The following TRIM33 variants were observed in gnomAD, a reference collection of about 807,000 sequenced individuals.
The protein encoded by TRIM33 is E3 ubiquitin-protein ligase TRIM33.
Under a neutral mutation model 125.4 loss-of-function variants are expected in TRIM33, and 20 were observed. The observed-to-expected ratio is 0.16, with a 90% CI of 0.11 to 0.23. TRIM33 has a LOEUF of 0.23. Ranked by LOEUF, TRIM33 falls within the 10% of genes least tolerant of loss-of-function variation. The pLI is 1.00. For synonymous variants in TRIM33, 564 were observed against 513.9 expected (o/e 1.10, Z -1.32); for missense variants, 920 against 1,411.4 (o/e 0.65, Z 5.58).
intron 1 of TRIM33, among the ~76,000 whole-genome samples, chr1:114,470,393 A>C (rs148329192): frequency 9.2e-5 from 14 of 152,220 alleles, no homozygotes; most frequent in Non-Finnish European, 1.6e-4. Context: ...GTGAGTTCTG[A>C]TCTTTCATGT....
Position 114,510,787 on chromosome 1 carries a change from G to A in TRIM33, c.290C>T (p.Pro97Leu). The A allele has an allele frequency of 1.3e-6, 2 of 1,520,258 alleles. No homozygotes were observed. Among genetic ancestry groups the A allele is most frequent in the South Asian group, 1.2e-5 (1 of 82,126 alleles). The allele number at this position is 1,520,258 out of a possible 1,614,324, so 94.2% of individuals were successfully genotyped here. ...GGGAGCCGAGGCTGGAGCTGGAGCC[G>A]GCGTCGATACTGCGCCCCCGGCAAC... ...TGVAGGAVST[P>L]APAPASAPAP... is the part of the protein sequence containing the mutation. The change falls in exon 1 of 20, where the codon CCG becomes CTG. Residue 97 changes from proline to leucine, a missense_variant. Physicochemically the swap from Pro to Leu is moderately conservative, Grantham distance 98. Around this residue, in one of 8 missense-constraint regions of TRIM33, gnomAD observed 233 missense variants for 189.6 expected, o/e 1.23. Transcript: ENST00000358465.
At chr1:114,440,450 C>G (rs1244633836) in intron 4 of TRIM33, among the ~76,000 whole-genome samples, 2 of 151,540 alleles carry the variant, frequency 1.3e-5, no homozygotes, top group African/African-American at 4.8e-5. Flanking sequence ...CAAGAATCAA[C>G]AGAAATAACA....
At chr1:114,507,630 G>C (rs753687892) in intron 1 of TRIM33, among the ~76,000 whole-genome samples, 17 of 152,166 alleles carry the variant, frequency 1.1e-4, no homozygotes, top group Admixed American at 2.6e-4. Context: ...ACGACTATCA[G>C]CTACATTTTA....
intron 13 of TRIM33, 78 bp from the exon 14 acceptor site, chr1:114,407,178 G>T: frequency 8.2e-7 from 1 of 1,225,204 alleles, no homozygotes; most frequent in Non-Finnish European, 1.1e-6. Context: ...GAAAAGTAAT[G>T]TTCACTAAAG....
At chr1:114,414,033 A>G (rs1275247113) in intron 11 of TRIM33, among the ~76,000 whole-genome samples, 2 of 126,918 alleles carry the variant, frequency 1.6e-5, no homozygotes, top group Admixed American at 8.1e-5. Context: ...ACAGGCACAC[A>G]CACACACACA....
intron 1 of TRIM33, among the ~76,000 whole-genome samples, chr1:114,500,560 C>A: frequency 1.4e-5 from 2 of 146,798 alleles, no homozygotes; most frequent in African/African-American, 2.5e-5. Flanking sequence ...TAAGAGTGAG[C>A]AAAAGGTGAA....
rs1464491094 is a variant in TRIM33 at position 114,405,766 on chromosome 1, C to T, written c.2419-7G>A. 4 of 1,588,032 alleles carry T rather than the reference C, an allele frequency of 2.5e-6. No individual in the cohort carries two copies. Among genetic ancestry groups the T allele is most frequent in the East Asian group, 2.2e-5 (1 of 44,696 alleles). ...TACTCTCAGGACTGCTCAACTAAAA[C>T]AAAACGATGACAAATTCTTGAAGAA... On this transcript the variant is annotated splice_polypyrimidine_tract_variant and splice_region_variant and intron_variant, in intron 14 of 19. Coordinates refer to ENST00000358465, the MANE Select transcript of TRIM33 (RefSeq NM_015906.4).
chr1:114,439,649 C>T (rs74331919), intron 4 of TRIM33, among the ~76,000 whole-genome samples: 3,910 of 151,480 alleles, frequency 0.026, 86 homozygotes, highest in Non-Finnish European at 0.034. Context: ...ATAGTAGTTA[C>T]GGATAAAAGT....
chr1:114,462,777 T>C (rs899748108), intron 4 of TRIM33, among the ~76,000 whole-genome samples: 1 of 152,168 alleles, frequency 6.6e-6, no homozygotes. Context: ...CTTTTGTAGA[T>C]TACAGCCAAA....
At chr1:114,481,187 GAA>G (rs1553220335) in intron 1 of TRIM33, among the ~76,000 whole-genome samples, 1 of 150,420 alleles carries the variant, frequency 6.6e-6, no homozygotes, top group Non-Finnish European at 1.5e-5. Context: ...AAAGAAAGAA[GAA>G]AAAAAGATTC....
intron 16 of TRIM33, among the ~76,000 whole-genome samples, chr1:114,402,078 A>C (rs1020324803): frequency 5.9e-5 from 9 of 152,212 alleles, no homozygotes; most frequent in African/African-American, 2.2e-4. Context: ...GAGTAGAGCC[A>C]AACTTAACTC....
At chr1:114,510,225 T>C (rs969387745) in intron 1 of TRIM33, among the ~76,000 whole-genome samples, 2 of 152,020 alleles carry the variant, frequency 1.3e-5, no homozygotes, top group African/African-American at 4.8e-5. Context: ...TCACAACGTG[T>C]TTCCCAAATC....
At chr1:114,490,158 G>A (rs957347731) in intron 1 of TRIM33, among the ~76,000 whole-genome samples, 1 of 150,376 alleles carries the variant, frequency 6.6e-6, no homozygotes, top group African/African-American at 2.4e-5. Flanking sequence ...TAAGAAAAAG[G>A]GTAGAACATC....
chr1:114,462,644 C>T (rs1650066639), intron 4 of TRIM33, among the ~76,000 whole-genome samples: 1 of 152,086 alleles, frequency 6.6e-6, no homozygotes, highest in Admixed American at 6.6e-5. Context: ...GGCTAAAATA[C>T]AAAGGTATGT....
chr1:114,444,341 C>T (rs1469244432), intron 4 of TRIM33, among the ~76,000 whole-genome samples: 1 of 152,148 alleles, frequency 6.6e-6, no homozygotes, highest in Non-Finnish European at 1.5e-5. Context: ...TAGCAGACTG[C>T]CGTTGCTATA....
chr1:114,490,581 T>C (rs1652003437), intron 1 of TRIM33: 1 of 152,148 alleles, frequency 6.6e-6, no homozygotes, highest in Admixed American at 6.5e-5. Flanking sequence ...TAAAAACTTA[T>C]CCACAAATGT....
chr1:114,486,488 G>A (rs772057465), intron 1 of TRIM33, among the ~76,000 whole-genome samples: 3 of 145,258 alleles, frequency 2.1e-5, no homozygotes, highest in Non-Finnish European at 4.5e-5. Flanking sequence ...AGCCGGTGTC[G>A]TGGCACCAAG....
chr1:114,474,693 A>G (rs902584048), intron 1 of TRIM33, among the ~76,000 whole-genome samples: 1 of 151,904 alleles, frequency 6.6e-6, no homozygotes, highest in Non-Finnish European at 1.5e-5. Flanking sequence ...GGAGTTCAAG[A>G]CAAGCCTGAC....
chr1:114,434,938 T>C (rs910998551), intron 4 of TRIM33, among the ~76,000 whole-genome samples: 1 of 152,072 alleles, frequency 6.6e-6, no homozygotes, highest in East Asian at 1.9e-4. Context: ...AGTCAGAATA[T>C]GAGACAACAA....
Sources: gnomAD v4.1 joint callset for allele counts (sites outside exome capture counted in the v4.1 genomes callset) on GRCh38, gnomAD v4.1.1 for gene constraint, gnomAD v4.1.1 regional missense constraint, MANE v1.5 for transcripts, NCBI Gene and HGNC (gene_info 2026-07-23, HGNC 2026-07-21) for gene names.